The following SCAPER variants were observed in gnomAD, a reference collection of about 807,000 sequenced individuals.
The protein encoded by SCAPER is S phase cyclin A-associated protein in the endoplasmic reticulum.
In SCAPER, 98 loss-of-function variants were observed where a neutral mutation model predicts 182.2. The observed-to-expected ratio is 0.54, with a 90% CI of 0.46 to 0.64. The LOEUF (loss-of-function observed/expected upper bound fraction) is 0.64, where lower values mean the gene tolerates loss of function less well. SCAPER is among the 30% of genes least tolerant of loss of function. The probability of loss-of-function intolerance (pLI) is 0.00; values close to 1 mark genes in which losing one functional copy is unlikely to be tolerated. For missense variants in SCAPER, 1,432 were observed against 1,690.0 expected (o/e 0.85, Z 2.68); for synonymous variants, 605 against 564.6 (o/e 1.07, Z -1.01).
At chr15:76,388,147 AAAT>A (rs912347266) in intron 27 of SCAPER, among the ~76,000 whole-genome samples, 14 of 152,248 alleles carry the variant, frequency 9.2e-5, no homozygotes, top group Non-Finnish European at 1.5e-5. Context: ...AAGTGTCTGG[AAAT>A]AATGTCACCC....
chr15:76,415,409 T>C (rs2045579233), intron 26 of SCAPER, among the ~76,000 whole-genome samples: 1 of 152,096 alleles, frequency 6.6e-6, no homozygotes, highest in South Asian at 2.1e-4. Flanking sequence ...AAAAAGACTT[T>C]TATAAAGACA....
intron 15 of SCAPER, among the ~76,000 whole-genome samples, chr15:76,737,279 C>T (rs537966655): frequency 1.8e-3 from 274 of 152,324 alleles, no homozygotes; most frequent in Non-Finnish European, 3.1e-3. Flanking sequence ...GTGGATGTTA[C>T]GTTAGCAGGC....
intron 1 of SCAPER, among the ~76,000 whole-genome samples, chr15:76,896,817 G>A (rs11635584): frequency 0.33 from 50,084 of 151,974 alleles, 8,537 homozygotes; most frequent in East Asian, 0.55. Context: ...GTGGTGGCAC[G>A]CACCTGTAGT....
chr15:76,464,805 A>AT (rs1378518459), intron 25 of SCAPER, among the ~76,000 whole-genome samples: 1 of 151,860 alleles, frequency 6.6e-6, no homozygotes, highest in Non-Finnish European at 1.5e-5. Context: ...TCTCTTTTTA[A>AT]TTTTTTTTAG....
At chr15:76,778,239 T>C (rs181884901) in intron 8 of SCAPER, among the ~76,000 whole-genome samples, 200 of 152,280 alleles carry the variant, frequency 1.3e-3, no homozygotes, top group Non-Finnish European at 2.5e-3. Flanking sequence ...TGTATACAGA[T>C]AAAATATTTG....
intron 5 of SCAPER, among the ~76,000 whole-genome samples, chr15:76,823,247 T>A (rs938243163): frequency 6.6e-6 from 1 of 152,004 alleles, no homozygotes. Flanking sequence ...TCATGTGAGG[T>A]CAGGAGTTTG....
chr15:76,738,930 T>C (rs765022822), intron 15 of SCAPER, among the ~76,000 whole-genome samples: 12 of 152,148 alleles, frequency 7.9e-5, no homozygotes, highest in Admixed American at 5.2e-4. Context: ...GACACAAACA[T>C]TCAATTTTTT....
intron 11 of SCAPER, 21 bp downstream of exon 11, chr15:76,766,897 T>A: frequency 6.3e-7 from 1 of 1,575,326 alleles, no homozygotes; most frequent in Non-Finnish European, 8.6e-7. Flanking sequence ...AATAGTTATG[T>A]TAAAAAGTCT....
chr15:76,744,588 T>A (rs1319851802), intron 15 of SCAPER, among the ~76,000 whole-genome samples: 1 of 152,066 alleles, frequency 6.6e-6, no homozygotes. Flanking sequence ...TGAGATACCA[T>A]CTCACACCAG....
chr15:76,564,039 ACAAACCCACAGC>A (rs2046843835), intron 23 of SCAPER, among the ~76,000 whole-genome samples: 1 of 152,182 alleles, frequency 6.6e-6, no homozygotes, highest in Non-Finnish European at 1.5e-5. Context: ...GCCATCTACG[ACAAACCCACAGC>A]CAACATCATA....
chr15:76,391,132 T>C (rs1348794798), intron 27 of SCAPER, among the ~76,000 whole-genome samples: 2 of 152,174 alleles, frequency 1.3e-5, no homozygotes, highest in Non-Finnish European at 2.9e-5. Context: ...AATATATCAC[T>C]TTCTCTGTTT....
chr15:76,784,033 A>G (rs1343857363), intron 8 of SCAPER, among the ~76,000 whole-genome samples: 1 of 152,228 alleles, frequency 6.6e-6, no homozygotes, highest in Non-Finnish European at 1.5e-5. Flanking sequence ...AGTTCTGGCC[A>G]GGGCAATCAG....
intron 25 of SCAPER, among the ~76,000 whole-genome samples, chr15:76,466,136 C>A (rs2049595817): frequency 6.6e-6 from 1 of 152,020 alleles, no homozygotes; most frequent in Non-Finnish European, 1.5e-5. Flanking sequence ...AGTTTTGGGT[C>A]ACTATTTAAG....
At chr15:76,365,374 C>CT (rs1337517770) in intron 29 of SCAPER, among the ~76,000 whole-genome samples, 1 of 152,208 alleles carries the variant, frequency 6.6e-6, no homozygotes, top group Non-Finnish European at 1.5e-5. Context: ...GTTAGGGCCT[C>CT]TTTTTCCTTC....
intron 1 of SCAPER, among the ~76,000 whole-genome samples, chr15:76,888,752 T>C (rs549189781): frequency 2.9e-4 from 44 of 152,292 alleles, no homozygotes; most frequent in Non-Finnish European, 6.0e-4. Context: ...GAAAACACTC[T>C]TCAGGGTATT....
chr15:76,839,957 A>G (rs2069305262), intron 5 of SCAPER, among the ~76,000 whole-genome samples: 2 of 152,218 alleles, frequency 1.3e-5, no homozygotes, highest in Admixed American at 1.3e-4. Flanking sequence ...ACAAAAAAAG[A>G]AACTGCTGCT....
At chr15:76,640,242 A>G (rs1271532556) in intron 21 of SCAPER, among the ~76,000 whole-genome samples, 1 of 152,216 alleles carries the variant, frequency 6.6e-6, no homozygotes, top group Non-Finnish European at 1.5e-5. Flanking sequence ...CAATCAAATT[A>G]ATGATCTGAG....
At chr15:76,664,504 G>T (rs2056423799) in intron 21 of SCAPER, among the ~76,000 whole-genome samples, 1 of 152,078 alleles carries the variant, frequency 6.6e-6, no homozygotes, top group South Asian at 2.1e-4. Context: ...AGAAGAAAGA[G>T]CAGGTTTGTT....
At chr15:76,904,088 T>C (rs550366007) in intron 1 of SCAPER, among the ~76,000 whole-genome samples, 2 of 152,244 alleles carry the variant, frequency 1.3e-5, no homozygotes, top group Non-Finnish European at 2.9e-5. Flanking sequence ...ACCAACAAAC[T>C]TTGAGGAAAA....
Sources: allele counts gnomAD v4.1 joint callset (sites outside exome capture counted in the v4.1 genomes callset), GRCh38; gene constraint gnomAD v4.1.1; transcripts MANE v1.5; gene names NCBI Gene and HGNC (gene_info 2026-07-23, HGNC 2026-07-21).